Variants in TMED7 observed in about 807,000 individuals in gnomAD.
TMED7 encodes the protein transmembrane emp24 domain-containing protein 7.
TMED7 carries 8 observed loss-of-function variants against 23.4 expected under a neutral mutation model. The observed-to-expected ratio is 0.34, with a 90% CI of 0.20 to 0.62. The LOEUF (loss-of-function observed/expected upper bound fraction) is 0.62, where lower values mean the gene tolerates loss of function less well. Ranked by LOEUF, TMED7 falls within the 20% of genes least tolerant of loss-of-function variation. The pLI, the probability that TMED7 is intolerant of heterozygous loss-of-function variation, is 0.77. For missense variants in TMED7, 232 were observed against 279.1 expected, an observed-to-expected ratio of 0.83 and a Z score of 1.20; for synonymous variants, 121 against 108.5, an observed-to-expected ratio of 1.12 and a Z score of -0.72.
chr5:115,622,283 C>T (rs545193218), intron 1 of TMED7, among the ~76,000 whole-genome samples: 5 of 152,324 alleles, frequency 3.3e-5, no homozygotes, highest in Non-Finnish European at 7.3e-5. Context: ...TCCCTTTAAA[C>T]CTGTCCAATC....
chr5:115,624,041 G>T lies in TMED7; in HGVS notation c.192+1560C>A, dbSNP rs530288219. ...TAACAATTTCATATCGGGCTTTCCT[G>T]AGAACATACCTGAAATGCTTAACAT... is the stretch of plus-strand genomic sequence containing the variant. On this transcript the variant is annotated intron_variant, in intron 1 of 2. Transcript: ENST00000456936. Among the ~76,000 whole-genome samples the T allele has an allele frequency of 9.2e-5, 14 of 152,278 alleles. No homozygotes were observed. In the South Asian group the frequency reaches 2.9e-3, roughly 32 times the overall value.
chr5:115,616,012 T>G lies in TMED7; in HGVS notation c.*197A>C. 1 of 608,418 alleles carries G rather than the reference T, an allele frequency of 1.6e-6. No individual in the cohort carries two copies. The highest frequency in any genetic ancestry group is 2.9e-6 in the Non-Finnish European group (1 of 347,134). 37.7% of individuals were successfully genotyped at this position (608,418 alleles called of 1,614,324 possible). A position where few individuals can be genotyped will look rare whatever the true frequency, so the allele number is the denominator to read the frequency against. Reference sequence around the variant, plus strand: ...TTTAACATGAATAGCCCAAAATGAGTTCCAAAGTTTTTCCACCTTTACAAA... The same window carrying G: ...TTTAACATGAATAGCCCAAAATGAGGTCCAAAGTTTTTCCACCTTTACAAA... On this transcript the variant is annotated 3_prime_UTR_variant, in exon 3 of 3. Coordinates refer to ENST00000456936, the MANE Select transcript of TMED7 (RefSeq NM_181836.6).
chr5:115,625,327 T>C (rs893982282), intron 1 of TMED7, among the ~76,000 whole-genome samples: 2 of 152,162 alleles, frequency 1.3e-5, no homozygotes, highest in African/African-American at 4.8e-5. Flanking sequence ...AGGGAATCTT[T>C]TAAGGAAGAA....
Position 115,625,782 on chromosome 5 carries a change from G to T in TMED7, c.11C>A (p.Pro4Gln). The T allele has an allele frequency of 6.9e-7, 1 of 1,440,694 alleles. No individual in the cohort carries two copies. 89.2% of individuals were successfully genotyped at this position (1,440,694 alleles called of 1,614,324 possible). A position where few individuals can be genotyped will look rare whatever the true frequency, so the allele number is the denominator to read the frequency against. MPR[P>Q]GSAQRWAAVA... ...GGCCGCCCAGCGCTGCGCGGACCCC[G>T]GCCGCGGCATCCCGAGAAGGCGGCG... The change falls in exon 1 of 3, where the codon CCG (proline) becomes CAG (glutamine). Residue 4 changes from proline to glutamine, a missense_variant. Coordinates refer to ENST00000456936, the MANE Select transcript of TMED7 (RefSeq NM_181836.6).
At chr5:115,617,292 A>G (rs1398031511) in intron 2 of TMED7, among the ~76,000 whole-genome samples, 3 of 152,234 alleles carry the variant, frequency 2.0e-5, no homozygotes, top group Non-Finnish European at 4.4e-5. Flanking sequence ...AGCCTGTATT[A>G]AGAGTTTTAA....
chr5:115,622,932 C>T (rs1757082510), intron 1 of TMED7, among the ~76,000 whole-genome samples: 1 of 152,070 alleles, frequency 6.6e-6, no homozygotes, highest in Admixed American at 6.5e-5. Flanking sequence ...TCACACGGAT[C>T]AAAATGACAG....
Position 115,620,689 on chromosome 5 carries a change from G to T in TMED7, c.193-9C>A. The T allele has an allele frequency of 7.2e-7, 1 of 1,380,166 alleles. No individual in the cohort carries two copies. Among genetic ancestry groups the T allele is most frequent in the Non-Finnish European group, 9.4e-7 (1 of 1,059,344 alleles). The allele number at this position is 1,380,166 out of a possible 1,614,324, so 85.5% of individuals were successfully genotyped here. A position where few individuals can be genotyped will look rare whatever the true frequency, so the allele number is the denominator to read the frequency against. ...TGACCACCAGTAATCACCTGTAAGAGATTAAAAAAGAAAAATCACTGTGAA... is the reference window on the plus strand; with the variant it reads ...TGACCACCAGTAATCACCTGTAAGATATTAAAAAAGAAAAATCACTGTGAA... On this transcript the variant is annotated splice_polypyrimidine_tract_variant and intron_variant, in intron 1 of 2. Transcript: ENST00000456936.
chr5:115,624,349 C>T (rs1165528410), intron 1 of TMED7, among the ~76,000 whole-genome samples: 10 of 152,100 alleles, frequency 6.6e-5, no homozygotes, highest in Admixed American at 5.2e-4. Context: ...ACTACCTTCT[C>T]TCCAATCCTT....
Position 115,616,251 on chromosome 5 carries a change from A to G in TMED7, c.633T>C (p.Phe211=). ...SIGQVFLLKS[F]FSDKRTTTTR... is the part of the protein sequence containing the mutation. ...TTGTGGTGGTTCTTTTATCTGAGAA[A>G]AAGCTTTTCAAAAGAAATACCTGCC... Residue 211 remains phenylalanine (F), a synonymous_variant, in exon 3 of 3, where the codon TTT becomes TTC. Transcript: ENST00000456936. 6.2e-7 allele frequency: 1 copy of G among 1,614,186 alleles called. No homozygotes were observed. The highest frequency in any genetic ancestry group is 8.5e-7 in the Non-Finnish European group (1 of 1,180,014).
At chr5:115,623,363 A>T (rs1449288671) in intron 1 of TMED7, among the ~76,000 whole-genome samples, 1 of 152,206 alleles carries the variant, frequency 6.6e-6, no homozygotes, top group Non-Finnish European at 1.5e-5. Context: ...AGTCTCAACA[A>T]CAGAGCTCTG....
rs753789019 is a variant in TMED7 at position 115,620,415 on chromosome 5, T to G, written c.438+20A>C. ...TCCTTTTAAATATACCAACATTATA[T>G]TGCTGATTTTTTTATTTACCTGGGT... On this transcript the variant is annotated intron_variant, in intron 2 of 2. Coordinates refer to ENST00000456936, the MANE Select transcript of TMED7 (RefSeq NM_181836.6). The G allele has an allele frequency of 7.4e-6, 11 of 1,480,674 alleles. No homozygotes were observed. Among genetic ancestry groups the G allele is most frequent in the Non-Finnish European group, 8.9e-6 (10 of 1,117,452 alleles). The allele number at this position is 1,480,674 out of a possible 1,614,324, so 91.7% of individuals were successfully genotyped here.
intron 1 of TMED7, among the ~76,000 whole-genome samples, chr5:115,622,757 G>A (rs984048455): frequency 6.6e-6 from 1 of 152,100 alleles, no homozygotes; most frequent in African/African-American, 2.4e-5. Context: ...CTTAACAATG[G>A]TATACTATTC....
Position 115,614,451 on chromosome 5 carries a change from G to A in TMED7, c.*1758C>T, listed in dbSNP as rs1756609192. Reference sequence around the variant, plus strand: ...AAAAGGACATTTTACATATGCCCATGCTGATCAATCACATTAACATCAGTG... The same window carrying A: ...AAAAGGACATTTTACATATGCCCATACTGATCAATCACATTAACATCAGTG... On this transcript the variant is annotated 3_prime_UTR_variant, in exon 3 of 3. Coordinates refer to ENST00000456936, the MANE Select transcript of TMED7 (RefSeq NM_181836.6). 2.0e-5 allele frequency: 3 copies of A among 152,526 alleles called. No homozygotes were observed. In the South Asian group the frequency reaches 6.2e-4, roughly 32 times the overall value. 9.4% of individuals were successfully genotyped at this position (152,526 alleles called of 1,614,324 possible).
intron 1 of TMED7, among the ~76,000 whole-genome samples, chr5:115,621,262 A>G (rs10075869): frequency 0.36 from 55,185 of 152,018 alleles, 10,509 homozygotes; most frequent in Non-Finnish European, 0.42. Flanking sequence ...TTACAAATAG[A>G]TTACATTTAT....
chr5:115,619,008 T>C (rs1157528222), intron 2 of TMED7: 1 of 152,236 alleles, frequency 6.6e-6, no homozygotes, highest in Non-Finnish European at 1.5e-5. Context: ...TAATGATCCC[T>C]ATTATATGAT....
rs1298352912 is a variant in TMED7, at chr5:115,616,012, T to A, written c.*197A>T. 3.3e-6 allele frequency: 2 copies of A among 608,300 alleles called. No homozygotes were observed. Among genetic ancestry groups the A allele is most frequent in the Non-Finnish European group, 5.8e-6 (2 of 347,142 alleles). 37.7% of individuals were successfully genotyped at this position (608,300 alleles called of 1,614,324 possible). ...TTTAACATGAATAGCCCAAAATGAG[T>A]TCCAAAGTTTTTCCACCTTTACAAA... On this transcript the variant is annotated 3_prime_UTR_variant, in exon 3 of 3. Transcript: ENST00000456936.
At chr5:115,623,028 GCTCT>G (rs1757089109) in intron 1 of TMED7, among the ~76,000 whole-genome samples, 1 of 152,194 alleles carries the variant, frequency 6.6e-6, no homozygotes, top group Non-Finnish European at 1.5e-5. Flanking sequence ...GTCTATGTAA[GCTCT>G]CTGAGGTCAG....
chr5:115,623,033 C>A, intron 1 of TMED7, among the ~76,000 whole-genome samples: 1 of 152,164 alleles, frequency 6.6e-6, no homozygotes, highest in East Asian at 1.9e-4. Flanking sequence ...TGTAAGCTCT[C>A]TGAGGTCAGA....
chr5:115,617,176 A>C (rs1414146980), intron 2 of TMED7, among the ~76,000 whole-genome samples: 1 of 152,320 alleles, frequency 6.6e-6, no homozygotes, highest in Admixed American at 6.5e-5. Flanking sequence ...GTTTTGAGAA[A>C]GGTTAAATGA....
Sources: allele counts gnomAD v4.1 joint callset (sites outside exome capture counted in the v4.1 genomes callset), GRCh38; gene constraint gnomAD v4.1.1; transcripts MANE v1.5; gene names NCBI Gene and HGNC (gene_info 2026-07-23, HGNC 2026-07-21).